NINJ2: variants seen among roughly 807,000 people sequenced by gnomAD.
NINJ2 encodes ninjurin-2.
A neutral mutation model predicts 11.7 loss-of-function variants in NINJ2; 12 were observed. The ratio of observed to expected loss-of-function variants is 1.02; its 90% CI spans 0.66 to 1.66. The LOEUF (loss-of-function observed/expected upper bound fraction) is 1.66, where lower values mean the gene tolerates loss of function less well. Ranked by LOEUF, NINJ2 falls within the 40% of genes most tolerant of loss-of-function variation. NINJ2 has a pLI of 0.00. For missense variants in NINJ2, 187 were observed against 181.8 expected, an observed-to-expected ratio of 1.03 and a Z score of -0.16; for synonymous variants, 93 against 76.8, an observed-to-expected ratio of 1.21 and a Z score of -1.10.
chr12:603,028 G>T (rs1024418365), intron 1 of NINJ2, among the ~76,000 whole-genome samples: 1 of 151,704 alleles, frequency 6.6e-6, no homozygotes, highest in African/African-American at 2.4e-5. Flanking sequence ...GTAGAGATGA[G>T]ATCTCACTAT....
intron 1 of NINJ2, among the ~76,000 whole-genome samples, chr12:627,634 C>T (rs1303740290): frequency 1.3e-5 from 2 of 152,232 alleles, no homozygotes; most frequent in Non-Finnish European, 2.9e-5. Flanking sequence ...CAGCATACTG[C>T]ACACACATTA....
chr12:629,896 A>ATAT lies in NINJ2; in HGVS notation c.33+33431_33+33432insATA, dbSNP rs1555166136. On this transcript the variant is annotated intron_variant, in intron 1 of 3. Transcript: ENST00000305108. ...GAGCAAAACTCAAAAAAAAAAAAAA[A>ATAT]ATATATATATATATATATATATATA... 2.5e-3 allele frequency among the ~76,000 whole-genome samples: 25 copies of ATAT among 9,906 alleles called. 2 individuals carry two copies. Among genetic ancestry groups the ATAT allele is most frequent in the African/African-American group, 3.5e-3 (24 of 6,894 alleles). 6.5% of individuals were successfully genotyped at this position (9,906 alleles called of 152,430 possible).
chr12:599,360 G>A (rs1051937572), intron 1 of NINJ2, among the ~76,000 whole-genome samples: 3 of 152,124 alleles, frequency 2.0e-5, no homozygotes, highest in African/African-American at 7.2e-5. Context: ...CTACAAGACA[G>A]AGACTTCATC....
chr12:615,181 C>A lies in NINJ2; in HGVS notation c.33+48147G>T, dbSNP rs139844684. On this transcript the variant is annotated intron_variant, in intron 1 of 3. Transcript: ENST00000305108. ...GAGATATGCACGCCCCATTAGGAAG[C>A]TACATCCAAATCTCAGCAATCAGGG... 9.3e-3 allele frequency among the ~76,000 whole-genome samples: 1,423 copies of A among 152,318 alleles called. 9 individuals are homozygous for A. Among genetic ancestry groups the A allele is most frequent in the Non-Finnish European group, 9.8e-3 (666 of 68,032 alleles).
intron 1 of NINJ2, among the ~76,000 whole-genome samples, chr12:575,535 C>T (rs1435997679): frequency 1.3e-5 from 2 of 152,076 alleles, no homozygotes; most frequent in African/African-American, 4.8e-5. Context: ...CCACCAAGGC[C>T]CTGTTTGAAA....
intron 1 of NINJ2, among the ~76,000 whole-genome samples, chr12:577,448 T>TATACATATATATGTATATA: frequency 2.8e-5 from 4 of 141,928 alleles, no homozygotes; most frequent in Non-Finnish European, 6.2e-5. Context: ...TATATAAATA[T>TATACATATATATGTATATA]TTTGGCACGA....
chr12:622,434 A>AAAAG (rs1206701601), intron 1 of NINJ2, among the ~76,000 whole-genome samples: 4 of 144,326 alleles, frequency 2.8e-5, no homozygotes, highest in African/African-American at 1.1e-4. Flanking sequence ...AAAAAAAAAA[A>AAAAG]GGAAAGAAAG....
intron 1 of NINJ2, among the ~76,000 whole-genome samples, chr12:599,119 T>A (rs11063803): frequency 0.37 from 56,466 of 151,162 alleles, 11,832 homozygotes; most frequent in Non-Finnish European, 0.49. Flanking sequence ...AGGTGGATCA[T>A]GGCTGTAATC....
intron 1 of NINJ2, among the ~76,000 whole-genome samples, chr12:595,726 C>G (rs1947776403): frequency 2.6e-5 from 4 of 151,966 alleles, no homozygotes; most frequent in African/African-American, 9.7e-5. Context: ...GCACTCCAGC[C>G]TGGGCAACAA....
chr12:584,571 G>A lies in NINJ2; in HGVS notation c.34-18393C>T, dbSNP rs572955610. ...CTGTAATCCCAGCACTTTGGGAGGC[G>A]GAGGCAGGTGGATCATCTGAGATGA... On this transcript the variant is annotated intron_variant, in intron 1 of 3. Transcript: ENST00000305108. Among the ~76,000 whole-genome samples, 31 of 152,042 alleles carry A rather than the reference G, an allele frequency of 2.0e-4. No homozygotes were observed. The South Asian group carries it at 2.1e-3, about 10-fold the overall frequency.
intron 1 of NINJ2, among the ~76,000 whole-genome samples, chr12:655,507 C>T (rs1261314389): frequency 6.6e-6 from 1 of 152,168 alleles, no homozygotes; most frequent in Non-Finnish European, 1.5e-5. Flanking sequence ...AAAACACTAC[C>T]ATTTACATTA....
chr12:620,743 C>G (rs1414336184), intron 1 of NINJ2, among the ~76,000 whole-genome samples: 1 of 152,166 alleles, frequency 6.6e-6, no homozygotes, highest in Non-Finnish European at 1.5e-5. Flanking sequence ...AATTCTCCTG[C>G]CTCAGCCTCC....
At chr12:626,581 C>T (rs1948212609) in intron 1 of NINJ2, among the ~76,000 whole-genome samples, 1 of 152,172 alleles carries the variant, frequency 6.6e-6, no homozygotes, top group Admixed American at 6.5e-5. Context: ...AAGAGTTTCA[C>T]TCTAGCTGAA....
intron 1 of NINJ2, among the ~76,000 whole-genome samples, chr12:630,211 T>A (rs1488206856): frequency 6.6e-6 from 1 of 151,902 alleles, no homozygotes; most frequent in Non-Finnish European, 1.5e-5. Context: ...TGAGGCAAAT[T>A]TTTTTTCCTT....
intron 1 of NINJ2, among the ~76,000 whole-genome samples, chr12:617,765 T>C (rs1354033087): frequency 6.6e-6 from 1 of 152,108 alleles, no homozygotes; most frequent in Non-Finnish European, 1.5e-5. Flanking sequence ...CCACAGAGAT[T>C]GGGCAACTTC....
chr12:570,653 G>A (rs781071365), intron 1 of NINJ2, among the ~76,000 whole-genome samples: 3 of 152,162 alleles, frequency 2.0e-5, no homozygotes, highest in Non-Finnish European at 2.9e-5. Context: ...ACTCTTCGCC[G>A]CTGGCTCTCG....
Position 663,278 on chromosome 12 carries a change from T to C in NINJ2, c.33+50A>G, listed in dbSNP as rs1054021822. On this transcript the variant is annotated intron_variant, in intron 1 of 3. Coordinates refer to ENST00000305108, the MANE Select transcript of NINJ2 (RefSeq NM_016533.6). Reference sequence around the variant, plus strand: ...AGTATCAATCCTCTGTTCTTCCAGCTTCACCTCTACTCCCGGTCTCCCCTC... The same window carrying C: ...AGTATCAATCCTCTGTTCTTCCAGCCTCACCTCTACTCCCGGTCTCCCCTC... 17 of 1,549,768 alleles carry C rather than the reference T, an allele frequency of 1.1e-5. No individual in the cohort carries two copies. The Middle Eastern group carries it at 6.7e-4, about 61-fold the overall frequency.
intron 1 of NINJ2, among the ~76,000 whole-genome samples, chr12:611,864 C>T (rs4980841): frequency 6.6e-6 from 1 of 152,106 alleles, no homozygotes; most frequent in African/African-American, 2.4e-5. Flanking sequence ...AGGTTGCCCC[C>T]CAATATCTAT....
At chr12:620,128 T>G (rs536290956) in intron 1 of NINJ2, among the ~76,000 whole-genome samples, 1 of 152,332 alleles carries the variant, frequency 6.6e-6, no homozygotes, top group East Asian at 1.9e-4. Context: ...CACCTCCTAG[T>G]GACGGGAGAG....
Sources: allele counts gnomAD v4.1 joint callset (sites outside exome capture counted in the v4.1 genomes callset), GRCh38; gene constraint gnomAD v4.1.1; transcripts MANE v1.5; gene names NCBI Gene and HGNC (gene_info 2026-07-23, HGNC 2026-07-21).